The following STK40 variants were observed in gnomAD, a reference collection of about 807,000 sequenced individuals.
STK40 encodes the protein serine/threonine-protein kinase 40.
In STK40, 13 loss-of-function variants were observed where a neutral mutation model predicts 47.9. That is an observed-to-expected ratio of 0.27 (90% CI 0.18 to 0.43). The LOEUF is 0.43. STK40 is among the 20% of genes least tolerant of loss of function. The pLI is 1.00. For missense variants in STK40, 460 were observed against 595.1 expected (o/e 0.77, Z 2.36); for synonymous variants, 225 against 243.2 (o/e 0.93, Z 0.69).
chr1:36,372,909 G>C (rs1216904224), intron 1 of STK40: 1 of 152,180 alleles, frequency 6.6e-6, no homozygotes, highest in Admixed American at 6.5e-5. Context: ...ACATGTAGAT[G>C]CTTCTACCAG....
chr1:36,373,907 G>C (rs988976946), intron 1 of STK40, among the ~76,000 whole-genome samples: 18 of 152,218 alleles, frequency 1.2e-4, no homozygotes, highest in Admixed American at 3.9e-4. Flanking sequence ...ACCCCCTGAG[G>C]CCTGCTCTGC....
chr1:36,369,497 A>G (rs1013641700), intron 1 of STK40, among the ~76,000 whole-genome samples: 4 of 152,058 alleles, frequency 2.6e-5, no homozygotes, highest in African/African-American at 9.7e-5. Context: ...TATGCACCCT[A>G]AATCCAGCCA....
At chr1:36,365,310 C>T (rs1451101138) in intron 1 of STK40, among the ~76,000 whole-genome samples, 1 of 152,150 alleles carries the variant, frequency 6.6e-6, no homozygotes, top group African/African-American at 2.4e-5. Flanking sequence ...TTATTCTAAA[C>T]CCTAGGAGAC....
rs562835979 is a variant in STK40 at position 36,368,341 on chromosome 1, G to T, written c.-8-7001C>A. Among the ~76,000 whole-genome samples the T allele has an allele frequency of 8.5e-5, 13 of 152,160 alleles. No individual in the cohort carries two copies. The South Asian group carries it at 2.5e-3, about 29-fold the overall frequency. Reference sequence around the variant, plus strand: ...CCAGACTGGAGTGCAGCTTCCACCTGCCAGGCCCAAGTGATTCTCCCACCT... The same window carrying T: ...CCAGACTGGAGTGCAGCTTCCACCTTCCAGGCCCAAGTGATTCTCCCACCT... On this transcript the variant is annotated intron_variant, in intron 1 of 10. Transcript: ENST00000373132.
At chr1:36,363,407 T>C (rs561612718) in intron 1 of STK40, among the ~76,000 whole-genome samples, 1 of 152,308 alleles carries the variant, frequency 6.6e-6, no homozygotes, top group East Asian at 1.9e-4. Flanking sequence ...TGCATCACAA[T>C]ATTCTTTTGC....
intron 1 of STK40, among the ~76,000 whole-genome samples, chr1:36,364,205 C>T (rs922739719): frequency 2.7e-4 from 41 of 152,292 alleles, no homozygotes; most frequent in Middle Eastern, 3.4e-3. Context: ...ACTTATCTGT[C>T]TCCCTCTGGA....
chr1:36,348,651 G>T (rs1410467439), intron 7 of STK40, 49 bp downstream of exon 7: 1 of 1,534,676 alleles, frequency 6.5e-7, no homozygotes, highest in African/African-American at 1.4e-5. Context: ...CTGTCACAGA[G>T]CCTGGCTGTA....
At chr1:36,342,465 CA>C (rs1646658134) in intron 10 of STK40, 1 of 174,994 alleles carries the variant, frequency 5.7e-6, no homozygotes, top group African/African-American at 2.4e-5. Context: ...CCACAGGAGA[CA>C]GCAGGGCTTC....
At chr1:36,355,473 T>C (rs1646795455) in intron 4 of STK40, 40 bp from the exon 5 acceptor site, 2 of 1,606,498 alleles carry the variant, frequency 1.2e-6, no homozygotes, top group African/African-American at 1.3e-5. Flanking sequence ...GGCTGTGAAC[T>C]TGGCAGGGCC....
At chr1:36,355,158 A>C in intron 5 of STK40, 48 bp downstream of exon 5, 1 of 1,585,400 alleles carries the variant, frequency 6.3e-7, no homozygotes, top group Non-Finnish European at 8.6e-7. Flanking sequence ...GCAGCAAGAA[A>C]GGTGGCTTTC....
chr1:36,342,063 C>T, intron 10 of STK40, 90 bp from the exon 11 acceptor site: 2 of 1,251,248 alleles, frequency 1.6e-6, no homozygotes, highest in Admixed American at 2.1e-5. Flanking sequence ...GTGCTGGCAG[C>T]CTGGCTCCTG....
chr1:36,365,999 C>T (rs1646898510), intron 1 of STK40: 2 of 152,254 alleles, frequency 1.3e-5, no homozygotes, highest in Admixed American at 6.5e-5. Flanking sequence ...CAGTCATTGC[C>T]AGGGTCGGCG....
intron 1 of STK40, among the ~76,000 whole-genome samples, chr1:36,378,264 AAGGG>A (rs1557525611): frequency 6.6e-6 from 1 of 152,156 alleles, no homozygotes; most frequent in Non-Finnish European, 1.5e-5. Flanking sequence ...AGGATGGAGG[AAGGG>A]AACATGGGCT....
intron 1 of STK40, among the ~76,000 whole-genome samples, chr1:36,376,043 G>T (rs1304247934): frequency 6.6e-6 from 1 of 151,992 alleles, no homozygotes; most frequent in East Asian, 1.9e-4. Context: ...AAAAATTCAC[G>T]ACTTTGACAG....
At chr1:36,366,546 C>T (rs1314032735) in intron 1 of STK40, among the ~76,000 whole-genome samples, 2 of 152,120 alleles carry the variant, frequency 1.3e-5, no homozygotes, top group East Asian at 3.8e-4. Context: ...CCTTTCCCTG[C>T]CCCATCCTCC....
At chr1:36,383,709 T>C (rs1163391443) in intron 1 of STK40, among the ~76,000 whole-genome samples, 2 of 152,222 alleles carry the variant, frequency 1.3e-5, no homozygotes, top group Non-Finnish European at 2.9e-5. Flanking sequence ...ATATCTCAAA[T>C]TGCTAATATG....
At chr1:36,380,231 G>C (rs1647028130) in intron 1 of STK40, among the ~76,000 whole-genome samples, 1 of 152,144 alleles carries the variant, frequency 6.6e-6, no homozygotes, top group South Asian at 2.1e-4. Context: ...AAGTGCTCTT[G>C]TTTCAGATCA....
chr1:36,377,061 GT>G (rs1361836474), intron 1 of STK40, among the ~76,000 whole-genome samples: 1 of 151,700 alleles, frequency 6.6e-6, no homozygotes, highest in Non-Finnish European at 1.5e-5. Context: ...ATGAGCCACC[GT>G]GCCCAGCCTA....
rs537092801 is a variant in STK40, at chr1:36,351,698, C to T, written c.623+2666G>A. On this transcript the variant is annotated intron_variant, in intron 6 of 10. Transcript: ENST00000373132. ...CACAGCAGAGCTGCTACAGCCACGC[C>T]GGCGTATGCAGGGAGGTGCGACCCC... Among the ~76,000 whole-genome samples the T allele has an allele frequency of 4.6e-5, 7 of 150,814 alleles. No homozygotes were observed. The South Asian group carries it at 8.3e-4, about 18-fold the overall frequency.
Sources: gnomAD v4.1 joint callset for allele counts (sites outside exome capture counted in the v4.1 genomes callset) on GRCh38, gnomAD v4.1.1 for gene constraint, MANE v1.5 for transcripts, NCBI Gene and HGNC (gene_info 2026-07-23, HGNC 2026-07-21) for gene names.